Variants in LMO7 observed in about 807,000 individuals in gnomAD.
LMO7 encodes LIM domain only protein 7.
In LMO7, 120 loss-of-function variants were observed where a neutral mutation model predicts 206.5. That is an observed-to-expected ratio of 0.58 (90% CI 0.50 to 0.68). LMO7 has a LOEUF of 0.68. Ranked by LOEUF, LMO7 falls within the 30% of genes least tolerant of loss-of-function variation. LMO7 has a pLI of 0.00. For synonymous variants in LMO7, 706 were observed against 681.5 expected (o/e 1.04, Z -0.56); for missense variants, 1,959 against 1,957.9 (o/e 1.00, Z -0.01).
At chr13:75,850,314 C>G (rs886118482) in intron 27 of LMO7, among the ~76,000 whole-genome samples, 3 of 152,064 alleles carry the variant, frequency 2.0e-5, no homozygotes, top group African/African-American at 7.2e-5. Flanking sequence ...CTTCTTTCCA[C>G]TTGGTTGGAC....
intron 2 of LMO7, among the ~76,000 whole-genome samples, chr13:75,721,176 G>A (rs2043989753): frequency 6.6e-6 from 1 of 152,180 alleles, no homozygotes; most frequent in African/African-American, 2.4e-5. Context: ...GAGGAGTGTT[G>A]TTGGTAAGAG....
intron 4 of LMO7, among the ~76,000 whole-genome samples, chr13:75,767,253 C>T (rs2139902095): frequency 6.6e-6 from 1 of 152,210 alleles, no homozygotes; most frequent in East Asian, 1.9e-4. Flanking sequence ...AGAAACATTT[C>T]AGTGTCTTCA....
At chr13:75,857,225 G>T (rs757996101) in intron 30 of LMO7, 17 of 152,330 alleles carry the variant, frequency 1.1e-4, no homozygotes, top group African/African-American at 4.1e-4. Context: ...TGTTATAAAA[G>T]GTAGGCTAGC....
chr13:75,855,216 C>G (rs771459690), intron 28 of LMO7, 44 bp from the exon 29 acceptor site: 3 of 1,170,102 alleles, frequency 2.6e-6, no homozygotes, highest in Non-Finnish European at 3.8e-6. Context: ...GAATCTTGAG[C>G]TGCCCAGGTG....
At chr13:75,690,242 T>G (rs1040044424) in intron 1 of LMO7, among the ~76,000 whole-genome samples, 1 of 152,080 alleles carries the variant, frequency 6.6e-6, no homozygotes, top group Non-Finnish European at 1.5e-5. Flanking sequence ...CTGAGCCACC[T>G]TCTCCTCAGA....
At chr13:75,765,371 C>CTT (rs77568842) in intron 4 of LMO7, among the ~76,000 whole-genome samples, 21 of 118,802 alleles carry the variant, frequency 1.8e-4, no homozygotes, top group African/African-American at 5.3e-4. Flanking sequence ...ACATCTTCAT[C>CTT]TTTTTTTTTT....
Position 75,759,673 on chromosome 13 carries a change from A to C in LMO7, c.211-1259A>C, listed in dbSNP as rs1323560027. 1.3e-5 allele frequency among the ~76,000 whole-genome samples: 2 copies of C among 152,298 alleles called. 1 individual carries two copies. Among genetic ancestry groups the C allele is most frequent in the East Asian group, 3.9e-4 (2 of 5,168 alleles). ...GAATGACCAGGATCCTGCCTGTACA[A>C]ATAGTGACTTTTTAGAATGTCTCTT... is the stretch of plus-strand genomic sequence containing the variant. On this transcript the variant is annotated intron_variant, in intron 3 of 30. Transcript: ENST00000377534.
In LMO7 at chr13:75,821,255, G is replaced by A; in HGVS notation, c.2286G>A (p.Lys762=). The change falls in exon 14 of 31, where the codon AAG becomes AAA. Residue 762 remains lysine, a synonymous_variant. Transcript: ENST00000377534. ...YSFDDVLEEG[K]RPPTMTVSEA... is the part of the protein sequence containing the mutation. ...TTGATGATGTGCTGGAGGAAGGAAA[G>A]CGACCCCCTACAATGACTGTGTCAG... 1.2e-6 allele frequency: 2 copies of A among 1,614,010 alleles called. No individual in the cohort carries two copies. The highest frequency in any genetic ancestry group is 1.3e-5 in the African/African-American group (1 of 75,022).
chr13:75,699,053 A>G (rs944432155), intron 1 of LMO7, among the ~76,000 whole-genome samples: 4 of 152,206 alleles, frequency 2.6e-5, no homozygotes, highest in African/African-American at 9.7e-5. Context: ...TCACGTAAAT[A>G]GAATAATACC....
intron 4 of LMO7, among the ~76,000 whole-genome samples, chr13:75,784,276 A>G (rs543579605): frequency 1.3e-5 from 2 of 152,326 alleles, no homozygotes; most frequent in African/African-American, 4.8e-5. Context: ...CATAAATCAA[A>G]TTGTGAAAAA....
chr13:75,732,588 G>T lies in LMO7; in HGVS notation c.210+5490G>T, dbSNP rs1284298906. On this transcript the variant is annotated intron_variant, in intron 3 of 30. Coordinates refer to ENST00000377534, the MANE Select transcript of LMO7 (RefSeq NM_001306080.2). ...GGTTTGACTTTCCTCCTGTAGCTCG[G>T]AGTAGTTTGATTGTCTGAAGCCTTC... Among the ~76,000 whole-genome samples the T allele has an allele frequency of 2.0e-5, 3 of 152,142 alleles. No individual in the cohort carries two copies. In the East Asian group the frequency reaches 5.8e-4, roughly 29 times the overall value.
chr13:75,620,696 G>A (rs1406938116), exon 1 of LMO7: 1 of 152,166 alleles, frequency 6.6e-6, no homozygotes. Flanking sequence ...CTTGCATTGA[G>A]TTTGGAGATC....
intron 2 of LMO7, among the ~76,000 whole-genome samples, chr13:75,715,656 G>A (rs1410315078): frequency 6.6e-6 from 1 of 152,174 alleles, no homozygotes; most frequent in African/African-American, 2.4e-5. Context: ...GAATCACGTT[G>A]TTCATAGTCA....
At chr13:75,701,292 A>C (rs2042271610) in intron 1 of LMO7, among the ~76,000 whole-genome samples, 1 of 152,226 alleles carries the variant, frequency 6.6e-6, no homozygotes, top group Non-Finnish European at 1.5e-5. Flanking sequence ...ATTACTTAAT[A>C]ATACCAAACT....
intron 1 of LMO7, among the ~76,000 whole-genome samples, chr13:75,651,285 C>T (rs1158268383): frequency 4.0e-5 from 6 of 148,558 alleles, no homozygotes; most frequent in Non-Finnish European, 5.9e-5. Flanking sequence ...ATTCATGTTT[C>T]GTTATTCAGT....
At chr13:75,808,400 A>G (rs1470466602) in intron 10 of LMO7, among the ~76,000 whole-genome samples, 1 of 152,168 alleles carries the variant, frequency 6.6e-6, no homozygotes, top group East Asian at 1.9e-4. Flanking sequence ...ATATCTCTAA[A>G]TAACTTATTT....
chr13:75,834,163 C>A, intron 16 of LMO7, 63 bp from the exon 17 acceptor site: 2 of 1,236,264 alleles, frequency 1.6e-6, no homozygotes, highest in Non-Finnish European at 2.3e-6. Flanking sequence ...AAGTTCAAAG[C>A]AGCAACTAAT....
At chr13:75,742,144 A>G (rs1409249253) in intron 3 of LMO7, among the ~76,000 whole-genome samples, 1 of 152,214 alleles carries the variant, frequency 6.6e-6, no homozygotes, top group Non-Finnish European at 1.5e-5. Context: ...AAAAGAATAA[A>G]ATACGTAGGA....
intron 3 of LMO7, among the ~76,000 whole-genome samples, chr13:75,727,895 G>A (rs9573636): frequency 0.43 from 65,398 of 151,316 alleles, 14,593 homozygotes; most frequent in East Asian, 0.61. Context: ...TTGTCCTTGC[G>A]ATAGTTTACT....
Sources: gnomAD v4.1 joint callset for allele counts (sites outside exome capture counted in the v4.1 genomes callset) on GRCh38, gnomAD v4.1.1 for gene constraint, MANE v1.5 for transcripts, NCBI Gene and HGNC (gene_info 2026-07-23, HGNC 2026-07-21) for gene names.